PSMB7: variants seen among roughly 807,000 people sequenced by gnomAD.
The protein encoded by PSMB7 is proteasome 20S subunit beta 7.
PSMB7 carries 5 observed loss-of-function variants against 28.1 expected under a neutral mutation model. The observed-to-expected ratio is 0.18, with a 90% CI of 0.09 to 0.37. PSMB7 has a LOEUF of 0.37. Ranked by LOEUF, PSMB7 falls within the 10% of genes least tolerant of loss-of-function variation. PSMB7 has a pLI of 1.00. For missense variants in PSMB7, 275 were observed against 346.2 expected (o/e 0.79, Z 1.63); for synonymous variants, 122 against 123.7 (o/e 0.99, Z 0.09).
At chr9:124,364,536 AAAAAAG>A (rs906987168) in intron 6 of PSMB7, among the ~76,000 whole-genome samples, 19 of 152,192 alleles carry the variant, frequency 1.2e-4, no homozygotes, top group Admixed American at 4.6e-4. Context: ...AAAAAAAAAA[AAAAAAG>A]AAAGCCTGGG....
chr9:124,405,493 A>C, intron 4 of PSMB7, 61 bp from the exon 5 acceptor site: 1 of 1,186,852 alleles, frequency 8.4e-7, no homozygotes, highest in South Asian at 1.3e-5. Flanking sequence ...ACTGTAACTT[A>C]GCCAAAAGTT....
intron 6 of PSMB7, among the ~76,000 whole-genome samples, chr9:124,364,810 G>T (rs1034807389): frequency 1.3e-5 from 2 of 152,298 alleles, no homozygotes; most frequent in East Asian, 3.9e-4. Context: ...AGTAAGCAAT[G>T]ACAGAAATCC....
At chr9:124,407,851 T>G (rs1374517597) in intron 4 of PSMB7, among the ~76,000 whole-genome samples, 1 of 152,000 alleles carries the variant, frequency 6.6e-6, no homozygotes, top group East Asian at 1.9e-4. Context: ...ACCCAATCAT[T>G]AAAAATCATG....
chr9:124,387,177 C>T lies in PSMB7; in HGVS notation c.512-2521G>A, dbSNP rs139324690. ...AGGAGAATGGCATGAACCCGGGAGG[C>T]AGAGTTTGCAGTGAGCCCAGATCGC... is the stretch of plus-strand genomic sequence containing the variant. On this transcript the variant is annotated intron_variant, in intron 5 of 7. Coordinates refer to ENST00000259457, the MANE Select transcript of PSMB7 (RefSeq NM_002799.4). Among the ~76,000 whole-genome samples the T allele has an allele frequency of 2.0e-3, 304 of 152,244 alleles. 3 individuals carry two copies. The highest frequency in any genetic ancestry group is 6.9e-3 in the African/African-American group (287 of 41,538).
intron 5 of PSMB7, among the ~76,000 whole-genome samples, chr9:124,388,274 A>G (rs1830745973): frequency 6.6e-6 from 1 of 152,262 alleles, no homozygotes; most frequent in African/African-American, 2.4e-5. Flanking sequence ...GCCAGGGGAC[A>G]GCGTGGCCAG....
chr9:124,413,946 C>T lies in PSMB7; in HGVS notation c.216G>A (p.Lys72=). The T allele has an allele frequency of 6.2e-7, 1 of 1,612,956 alleles. No homozygotes were observed. Among genetic ancestry groups the T allele is most frequent in the Non-Finnish European group, 8.5e-7 (1 of 1,179,302 alleles). Residue 72 remains lysine, a synonymous_variant, in exon 3 of 8, where the codon AAG becomes AAA. Transcript: ENST00000259457. ...RATEGMVVAD[K]NCSKIHFISP... Reference sequence around the variant, plus strand: ...ATATGAAGTGTATTTTTGAACAGTTCTTGTCAGCAACAACCATCCCTTCAG... The same window carrying T: ...ATATGAAGTGTATTTTTGAACAGTTTTTGTCAGCAACAACCATCCCTTCAG...
At chr9:124,389,000 A>G (rs548825943) in intron 5 of PSMB7, among the ~76,000 whole-genome samples, 26 of 152,320 alleles carry the variant, frequency 1.7e-4, no homozygotes, top group Admixed American at 7.2e-4. Context: ...AAGCTGCACT[A>G]AAAGTGAGGC....
At chr9:124,382,446 G>A (rs374628583) in intron 6 of PSMB7, among the ~76,000 whole-genome samples, 34 of 151,834 alleles carry the variant, frequency 2.2e-4, no homozygotes, top group African/African-American at 8.0e-4. Flanking sequence ...GACCTCAAGT[G>A]ATCCACCCGC....
chr9:124,399,009 C>CAAAAAAAAAAA (rs34386702), intron 5 of PSMB7, among the ~76,000 whole-genome samples: 2 of 129,302 alleles, frequency 1.5e-5, no homozygotes, highest in Non-Finnish European at 1.6e-5. Context: ...AAGCTTTAAC[C>CAAAAAAAAAAA]AAAAAAAAAA....
chr9:124,358,603 CTAG>C (rs1830436504), intron 6 of PSMB7, among the ~76,000 whole-genome samples: 1 of 152,236 alleles, frequency 6.6e-6, no homozygotes, highest in Non-Finnish European at 1.5e-5. Context: ...CAGCTGCTAT[CTAG>C]ATAGACAGCA....
At chr9:124,399,521 T>C (rs1322341745) in intron 5 of PSMB7, among the ~76,000 whole-genome samples, 1 of 152,128 alleles carries the variant, frequency 6.6e-6, no homozygotes, top group African/African-American at 2.4e-5. Context: ...TTAGGCTCTC[T>C]TCAGAGGAGG....
In PSMB7 at chr9:124,415,421, G is replaced by A. The variant is rs755372440; in HGVS notation, c.5C>T (p.Ala2Val). 2.5e-6 allele frequency: 4 copies of A among 1,614,036 alleles called. No homozygotes were observed. The highest frequency in any genetic ancestry group is 1.1e-5 in the South Asian group (1 of 91,074). The part of the protein sequence containing the change: M[A>V]AVSVYAPPVG... ...TGGTGGAGCATACACCGACACAGCC[G>A]CCATCTTCCCAAGAAAGCAGTTCCG... is the stretch of plus-strand genomic sequence containing the variant. Residue 2 changes from alanine to valine, a missense_variant, in exon 1 of 8, where the codon GCG becomes GTG. Coordinates refer to ENST00000259457, the MANE Select transcript of PSMB7 (RefSeq NM_002799.4).
chr9:124,382,682 T>C (rs1222550574), intron 6 of PSMB7, among the ~76,000 whole-genome samples: 1 of 152,220 alleles, frequency 6.6e-6, no homozygotes, highest in Non-Finnish European at 1.5e-5. Flanking sequence ...TCCCAAGTTA[T>C]GGACACAACT....
intron 1 of PSMB7, 162 bp from the exon 2 acceptor site, chr9:124,415,097 A>G (rs1831073046): frequency 4.7e-6 from 3 of 634,568 alleles, no homozygotes; most frequent in East Asian, 2.7e-5. Context: ...CCGTTTTCCA[A>G]CGAAGACAGT....
intron 6 of PSMB7, among the ~76,000 whole-genome samples, chr9:124,369,168 A>C (rs562661726): frequency 6.6e-6 from 1 of 152,316 alleles, no homozygotes; most frequent in East Asian, 1.9e-4. Context: ...ATTTTTAAAA[A>C]TCTGTACCAC....
Position 124,384,605 on chromosome 9 carries a change from T to A in PSMB7, c.563A>T (p.Asp188Val). Residue 188 changes from aspartate to valine, a missense_variant, in exon 6 of 8, where the codon GAC (aspartate) becomes GTC (valine). Physicochemically the swap from Asp to Val is radical, Grantham distance 152. This residue lies in a region of PSMB7 where 213 missense variants were observed against 302.4 expected (regional missense o/e 0.70). Coordinates refer to ENST00000259457, the MANE Select transcript of PSMB7 (RefSeq NM_002799.4). ...MAVFEDKFRP[D>V]MEEEEAKNLV... ...CTGCAGGGACTTACATACCTCCATG[T>A]CTGGCCTAAACTTATCTTCAAATAC... 2 of 1,612,470 alleles carry A rather than the reference T, an allele frequency of 1.2e-6. No homozygotes were observed. Among genetic ancestry groups the A allele is most frequent in the Non-Finnish European group, 1.7e-6 (2 of 1,179,274 alleles).
intron 5 of PSMB7, among the ~76,000 whole-genome samples, chr9:124,403,093 G>A (rs1424283968): frequency 6.6e-6 from 1 of 152,102 alleles, no homozygotes; most frequent in Non-Finnish European, 1.5e-5. Context: ...GTAAATGACA[G>A]CTGGAAAAAC....
chr9:124,415,044 G>T, intron 1 of PSMB7, 109 bp from the exon 2 acceptor site: 1 of 723,896 alleles, frequency 1.4e-6, no homozygotes, highest in Non-Finnish European at 2.3e-6. Context: ...TTGTTTTCAC[G>T]CCCATCTGTT....
chr9:124,369,035 A>T (rs1830536017), intron 6 of PSMB7, among the ~76,000 whole-genome samples: 1 of 152,222 alleles, frequency 6.6e-6, no homozygotes, highest in South Asian at 2.1e-4. Flanking sequence ...ATGAGTCTTT[A>T]TGTCTTTTTA....
Sources: allele counts gnomAD v4.1 joint callset (sites outside exome capture counted in the v4.1 genomes callset), GRCh38; gene constraint gnomAD v4.1.1; regional missense constraint gnomAD v4.1.1; transcripts MANE v1.5; gene names NCBI Gene and HGNC (gene_info 2026-07-23, HGNC 2026-07-21).